The following EDA variants were observed in gnomAD, a reference collection of about 807,000 sequenced individuals.
The protein encoded by EDA is ectodysplasin A.
A neutral mutation model predicts 23.6 loss-of-function variants in EDA; 2 were observed. The ratio of observed to expected loss-of-function variants is 0.08; its 90% confidence interval spans 0.03 to 0.27. EDA has a LOEUF of 0.27. EDA is among the 10% of genes least tolerant of loss of function. The pLI is 1.00. For synonymous variants in EDA, 131 were observed against 132.0 expected (o/e 0.99, Z 0.05); for missense variants, 229 against 324.2 (o/e 0.71, Z 2.26).
At position 69,679,082 on chromosome X, in the gene EDA, T is replaced by C. The variant is rs1433766751; in HGVS notation, c.396+62378T>C. 4.7e-5 allele frequency among the ~76,000 whole-genome samples: 5 copies of C among 106,706 alleles called. No homozygotes were observed. The Admixed American group carries it at 5.1e-4, about 11-fold the overall frequency. 92.7% of individuals were successfully genotyped at this position (106,706 alleles called of 115,157 possible). A position where few individuals can be genotyped will look rare whatever the true frequency, so the allele number is the denominator to read the frequency against. The stretch of plus-strand genomic sequence containing the variant: ...TTTTCTGCATCTATTGAAATAATCA[T>C]GTGGTTTTTGTCTTTGGTTCTGTTT... On this transcript the variant is annotated intron_variant, in intron 1 of 7. Transcript: ENST00000374552.
At chrX:69,828,692 G>A (rs372435975) in intron 1 of EDA, among the ~76,000 whole-genome samples, 5 of 112,367 alleles carry the variant, frequency 4.4e-5, no homozygotes, top group East Asian at 5.7e-4. Flanking sequence ...GCTGTAGACC[G>A]GAGCTGTTCC....
At chrX:69,635,803 G>A (rs1356698422) in intron 1 of EDA, among the ~76,000 whole-genome samples, 5 of 109,269 alleles carry the variant, frequency 4.6e-5, no homozygotes, top group South Asian at 4.0e-4. Flanking sequence ...TCCTGACCTC[G>A]CTAACACCAA....
chrX:69,914,564 A>C (rs928748713), intron 1 of EDA, among the ~76,000 whole-genome samples: 6 of 111,762 alleles, frequency 5.4e-5, no homozygotes, highest in Admixed American at 9.5e-5. Flanking sequence ...TATAGTGATC[A>C]GATCAGGGTA....
At chrX:69,903,645 T>C (rs781554860) in intron 1 of EDA, among the ~76,000 whole-genome samples, 3 of 109,121 alleles carry the variant, frequency 2.7e-5, no homozygotes, top group African/African-American at 1.0e-4. Context: ...AAAACAAATC[T>C]CTTAAACTTT....
chrX:69,659,866 G>C (rs1194419383), intron 1 of EDA, among the ~76,000 whole-genome samples: 1 of 111,271 alleles, frequency 9.0e-6, no homozygotes, highest in East Asian at 2.8e-4. Context: ...GAACCCCAGA[G>C]AATGTCATTG....
chrX:69,860,912 G>T, intron 1 of EDA: 1 of 524,487 alleles, frequency 1.9e-6, no homozygotes, highest in Non-Finnish European at 3.5e-6. Flanking sequence ...TCACTCTGAA[G>T]ATCTGTTAAA....
At chrX:69,912,770 T>G (rs2018285629) in intron 1 of EDA, among the ~76,000 whole-genome samples, 1 of 6,088 alleles carries the variant, frequency 1.6e-4, no homozygotes, top group Non-Finnish European at 8.6e-4. Flanking sequence ...TTTTCTTTTC[T>G]TTTTTTTTTT....
chrX:69,968,379 A>C (rs895287063), intron 2 of EDA, among the ~76,000 whole-genome samples: 1 of 112,142 alleles, frequency 8.9e-6, no homozygotes, highest in Non-Finnish European at 1.9e-5. Flanking sequence ...CCCATTTCTA[A>C]CAAAGGGAAC....
At chrX:69,782,697 G>A (rs767470892) in intron 1 of EDA, among the ~76,000 whole-genome samples, 24 of 111,909 alleles carry the variant, frequency 2.1e-4, no homozygotes, top group African/African-American at 2.9e-4. Flanking sequence ...CCAATAAAGC[G>A]TCTGGTACCT....
At chrX:69,711,540 A>G (rs770113200) in intron 1 of EDA, among the ~76,000 whole-genome samples, 2 of 111,366 alleles carry the variant, frequency 1.8e-5, no homozygotes, top group Admixed American at 9.6e-5. Context: ...CTCTTTTTCT[A>G]TTGATTGGAA....
chrX:69,899,212 T>C (rs1569367722), intron 1 of EDA, among the ~76,000 whole-genome samples: 2 of 112,106 alleles, frequency 1.8e-5, no homozygotes, highest in Non-Finnish European at 3.8e-5. Flanking sequence ...AGGATTGAAC[T>C]AGTTCTGTGA....
intron 2 of EDA, among the ~76,000 whole-genome samples, chrX:70,007,000 GA>G (rs1014841305): frequency 4.6e-5 from 5 of 108,377 alleles, no homozygotes; most frequent in African/African-American, 6.7e-5. Context: ...ACCATTTGTT[GA>G]AAAAAAAACT....
chrX:69,826,008 T>G, intron 1 of EDA, among the ~76,000 whole-genome samples: 1 of 107,383 alleles, frequency 9.3e-6, no homozygotes, highest in Non-Finnish European at 1.9e-5. Flanking sequence ...GTTGAGTGGT[T>G]TTGAGTGACA....
intron 1 of EDA, among the ~76,000 whole-genome samples, chrX:69,719,809 G>A (rs1248392241): frequency 1.8e-5 from 2 of 109,084 alleles, no homozygotes; most frequent in African/African-American, 6.7e-5. Flanking sequence ...GAGTGCAATG[G>A]CATGATTTCG....
At chrX:69,657,309 TC>T in intron 1 of EDA, among the ~76,000 whole-genome samples, 1 of 112,486 alleles carries the variant, frequency 8.9e-6, no homozygotes, top group South Asian at 3.7e-4. Flanking sequence ...TCTGTTCATG[TC>T]CTTTGCCCAC....
At chrX:69,893,819 T>G (rs2147634666) in intron 1 of EDA, among the ~76,000 whole-genome samples, 1 of 112,388 alleles carries the variant, frequency 8.9e-6, no homozygotes. Context: ...CTGGCTCTGT[T>G]ACTAAATTGC....
intron 1 of EDA, among the ~76,000 whole-genome samples, chrX:69,821,539 A>G (rs780356757): frequency 1.8e-5 from 2 of 112,532 alleles, no homozygotes; most frequent in African/African-American, 6.4e-5. Context: ...CACTAATAAT[A>G]ATTTAAAAGT....
At chrX:69,942,239 T>C (rs1027656980) in intron 1 of EDA, among the ~76,000 whole-genome samples, 1 of 111,859 alleles carries the variant, frequency 8.9e-6, no homozygotes, top group Non-Finnish European at 1.9e-5. Context: ...AGAGTTACAA[T>C]GTTATAATAT....
intron 1 of EDA, among the ~76,000 whole-genome samples, chrX:69,857,005 C>A (rs2017270654): frequency 8.9e-6 from 1 of 111,869 alleles, no homozygotes; most frequent in Admixed American, 9.5e-5. Context: ...AGTTTCAGGT[C>A]TTAGGTTTAA....
Sources: allele counts gnomAD v4.1 joint callset (sites outside exome capture counted in the v4.1 genomes callset), GRCh38; gene constraint gnomAD v4.1.1; transcripts MANE v1.5; gene names NCBI Gene and HGNC (gene_info 2026-07-23, HGNC 2026-07-21).